PDS5A: variants seen among roughly 807,000 people sequenced by gnomAD.
The protein encoded by PDS5A is PDS5 cohesin associated factor A.
In PDS5A, 42 loss-of-function variants were observed where a neutral mutation model predicts 167.1. That is an observed-to-expected ratio of 0.25 (90% CI 0.20 to 0.33). The LOEUF is 0.33. Ranked by LOEUF, PDS5A falls within the 10% of genes least tolerant of loss-of-function variation. The pLI is 1.00. For synonymous variants in PDS5A, 553 were observed against 554.6 expected (o/e 1.00, Z 0.04); for missense variants, 1,033 against 1,605.9 (o/e 0.64, Z 6.10).
At chr4:39,966,782 G>A (rs886211090) in intron 2 of PDS5A, among the ~76,000 whole-genome samples, 5 of 152,096 alleles carry the variant, frequency 3.3e-5, no homozygotes, top group African/African-American at 1.2e-4. Context: ...TGGATCACTT[G>A]AGGTCAGGGG....
At chr4:39,867,775 CCCCA>C (rs1719677803) in intron 22 of PDS5A, among the ~76,000 whole-genome samples, 1 of 122,746 alleles carries the variant, frequency 8.1e-6, no homozygotes, top group Admixed American at 7.9e-5. Context: ...CACACACACA[CCCCA>C]CAACTGTACT....
At chr4:39,925,968 T>A (rs1424243595) in intron 4 of PDS5A, 35 bp from the exon 5 acceptor site, 3 of 688,218 alleles carry the variant, frequency 4.4e-6, no homozygotes, top group Non-Finnish European at 6.8e-6. Context: ...GAATTATACA[T>A]ATATACAGAA....
chr4:39,845,010 C>A (rs943717386), intron 29 of PDS5A, among the ~76,000 whole-genome samples: 3 of 152,116 alleles, frequency 2.0e-5, no homozygotes, highest in African/African-American at 7.2e-5. Context: ...GAGTTCAAGA[C>A]CACTCTGGCC....
At chr4:39,869,619 T>G (rs935045817) in intron 21 of PDS5A, among the ~76,000 whole-genome samples, 157 bp from the exon 22 acceptor site, 4 of 152,208 alleles carry the variant, frequency 2.6e-5, no homozygotes, top group Non-Finnish European at 5.9e-5. Context: ...AGACTCATAC[T>G]TCCCAATTTT....
At chr4:39,841,600 C>A (rs1393518430) in intron 31 of PDS5A, among the ~76,000 whole-genome samples, 1 of 151,460 alleles carries the variant, frequency 6.6e-6, no homozygotes, top group Non-Finnish European at 1.5e-5. Flanking sequence ...GCAACCTCCA[C>A]CTCCTGGGTT....
rs761274224 is a variant in PDS5A at position 39,920,327 on chromosome 4, T to C, written c.727A>G (p.Ile243Val). The C allele has an allele frequency of 2.8e-6, 4 of 1,438,180 alleles. No individual in the cohort carries two copies. Among genetic ancestry groups the C allele is most frequent in the Non-Finnish European group, 3.9e-6 (4 of 1,029,438 alleles). 89.1% of individuals were successfully genotyped at this position (1,438,180 alleles called of 1,614,324 possible). A position where few individuals can be genotyped will look rare whatever the true frequency, so the allele number is the denominator to read the frequency against. ...TAGAAAGAAATACATACATTAGCAA[T>C]GCATGCCTCAATAGTCTGGACTGTT... ...KRTVQTIEAC[I>V]ANFFNQVLVL... The change falls in exon 7 of 33, where the codon ATT (isoleucine) becomes GTT (valine). Residue 243 changes from isoleucine to valine, a missense_variant. Ile to Val is a conservative substitution (Grantham distance 29). Transcript: ENST00000303538.
chr4:39,842,911 A>ATATATATATATATATATATATATGTG (rs1490426796), intron 30 of PDS5A, among the ~76,000 whole-genome samples: 29 of 67,328 alleles, frequency 4.3e-4, no homozygotes, highest in African/African-American at 1.2e-3. Flanking sequence ...TCCTATTTTT[A>ATATATATATATATATATATATATGTG]TATATATATA....
chr4:39,949,851 A>AAACCTGACTGTGGC (rs1560510723), intron 2 of PDS5A, among the ~76,000 whole-genome samples: 1 of 147,614 alleles, frequency 6.8e-6, no homozygotes, highest in East Asian at 2.1e-4. Flanking sequence ...ACACCACAAA[A>AAACCTGACTGTGGC]AACCTGACTG....
chr4:39,838,283 TGAAA>T lies in PDS5A; in HGVS notation c.3658-79_3658-76del, dbSNP rs1716620937. The T allele has an allele frequency of 5.3e-6, 6 of 1,126,656 alleles. No homozygotes were observed. In the Admixed American group the frequency reaches 1.7e-4, roughly 33 times the overall value. The allele number at this position is 1,126,656 out of a possible 1,614,324, so 69.8% of individuals were successfully genotyped here. A position where few individuals can be genotyped will look rare whatever the true frequency, so the allele number is the denominator to read the frequency against. ...TGATCTCTATTAGAAAAGAGTGTTT[TGAAA>T]GTATTTTAAAGGAGTCTGGATTTGA... is the stretch of plus-strand genomic sequence containing the variant. On this transcript the variant is annotated intron_variant, in intron 31 of 32. Coordinates refer to ENST00000303538, the MANE Select transcript of PDS5A (RefSeq NM_001100399.2).
rs1417877332 is a variant in PDS5A, at chr4:39,925,913, T to C, written c.450A>G (p.Ser150=). ...CTTCCAATTCAAAGCAGATGTTATA[T>C]GATTTAACCCAAGCTAAATTCTTAA... ...YLLENLAWVK[S]YNICFELEDC... is the part of the protein sequence containing the mutation. Residue 150 remains serine (S), a synonymous_variant, in exon 5 of 33, where the codon TCA becomes TCG. Coordinates refer to ENST00000303538, the MANE Select transcript of PDS5A (RefSeq NM_001100399.2). The C allele has an allele frequency of 4.9e-6, 7 of 1,437,982 alleles. No individual in the cohort carries two copies. In the African/African-American group the frequency reaches 7.1e-5, roughly 15 times the overall value. The allele number at this position is 1,437,982 out of a possible 1,614,324, so 89.1% of individuals were successfully genotyped here.
intron 25 of PDS5A, 70 bp downstream of exon 25, chr4:39,862,799 G>GAA (rs11300861): frequency 2.7e-5 from 23 of 839,570 alleles, no homozygotes; most frequent in South Asian, 5.2e-5. Flanking sequence ...CACATGACAA[G>GAA]AAAAAAAAAA....
chr4:39,920,373 A>T lies in PDS5A; in HGVS notation c.681T>A (p.Leu227=). Residue 227 remains leucine, a synonymous_variant, in exon 7 of 33, where the codon CTT becomes CTA. Transcript: ENST00000303538. ...HKNLNKQSFD[L]AKVLLKRTVQ... ...CTGTTCTTTTCAATAGCACTTTTGC[A>T]AGGTCAAAGGACTGTTTATTTAAGT... is the stretch of plus-strand genomic sequence containing the variant. 1.9e-6 allele frequency: 3 copies of T among 1,546,766 alleles called. No individual in the cohort carries two copies. The highest frequency in any genetic ancestry group is 2.7e-6 in the Non-Finnish European group (3 of 1,122,784).
chr4:39,881,270 G>A (rs150391590), intron 17 of PDS5A, among the ~76,000 whole-genome samples: 6 of 151,952 alleles, frequency 3.9e-5, no homozygotes, highest in African/African-American at 7.2e-5. Flanking sequence ...ATGAGTATAC[G>A]GATATCCCTG....
intron 2 of PDS5A, among the ~76,000 whole-genome samples, chr4:39,937,831 T>G (rs1471786281): frequency 6.6e-6 from 1 of 152,242 alleles, no homozygotes; most frequent in Non-Finnish European, 1.5e-5. Context: ...GCCCAATGAT[T>G]CAACAATTTC....
At chr4:39,860,346 T>C (rs1045313866) in intron 26 of PDS5A, among the ~76,000 whole-genome samples, 5 of 151,928 alleles carry the variant, frequency 3.3e-5, no homozygotes, top group African/African-American at 9.7e-5. Flanking sequence ...ACGTCTGTAG[T>C]GCTAACTCCT....
intron 2 of PDS5A, among the ~76,000 whole-genome samples, chr4:39,955,313 A>G (rs1284472048): frequency 6.6e-6 from 1 of 151,902 alleles, no homozygotes; most frequent in East Asian, 1.9e-4. Context: ...GAAATATAGC[A>G]CTCTAGGGCC....
chr4:39,947,313 G>A (rs1424346080), intron 2 of PDS5A, among the ~76,000 whole-genome samples: 1 of 152,114 alleles, frequency 6.6e-6, no homozygotes, highest in East Asian at 1.9e-4. Context: ...AAATTAGCCT[G>A]GGATGGTGGC....
intron 8 of PDS5A, among the ~76,000 whole-genome samples, chr4:39,915,343 ATTT>A (rs3070904): frequency 1.2e-4 from 11 of 88,718 alleles, no homozygotes; most frequent in Admixed American, 2.7e-4. Context: ...AACCGGCCTG[ATTT>A]TTTTTTTTTT....
chr4:39,824,264 A>G lies in PDS5A; in HGVS notation c.*1221T>C, dbSNP rs528271341. Reference sequence around the variant, plus strand: ...ATCATGTTATGACTTTAGCTCTTTAACATGAAAAAATTCACAAGAAAGCAT... The same window carrying G: ...ATCATGTTATGACTTTAGCTCTTTAGCATGAAAAAATTCACAAGAAAGCAT... On this transcript the variant is annotated 3_prime_UTR_variant, in exon 33 of 33. Coordinates refer to ENST00000303538, the MANE Select transcript of PDS5A (RefSeq NM_001100399.2). 1 of 152,336 alleles carries G rather than the reference A, an allele frequency of 6.6e-6. No homozygotes were observed. The highest frequency in any genetic ancestry group is 1.5e-5 in the Non-Finnish European group (1 of 68,022). 9.4% of individuals were successfully genotyped at this position (152,336 alleles called of 1,614,324 possible). A position where few individuals can be genotyped will look rare whatever the true frequency, so the allele number is the denominator to read the frequency against.
Sources: gnomAD v4.1 joint callset for allele counts (sites outside exome capture counted in the v4.1 genomes callset) on GRCh38, gnomAD v4.1.1 for gene constraint, MANE v1.5 for transcripts, NCBI Gene and HGNC (gene_info 2026-07-23, HGNC 2026-07-21) for gene names.